Variants in DLGAP2 observed in about 807,000 individuals in gnomAD.
The protein encoded by DLGAP2 is disks large-associated protein 2.
Under a neutral mutation model 100.3 loss-of-function variants are expected in DLGAP2, and 26 were observed. That is an observed-to-expected ratio of 0.26 (90% CI 0.19 to 0.36). The LOEUF (loss-of-function observed/expected upper bound fraction) is 0.36, where lower values mean the gene tolerates loss of function less well. Among genes scored for constraint, DLGAP2 ranks in the 10% least tolerant of loss-of-function variants. The pLI is 1.00. For synonymous variants in DLGAP2, 886 were observed against 630.1 expected (o/e 1.41, Z -6.08); for missense variants, 1,858 against 1,453.2 (o/e 1.28, Z -4.53).
At chr8:1,048,199 A>C (rs2129032276) in intron 2 of DLGAP2, among the ~76,000 whole-genome samples, 2 of 152,322 alleles carry the variant, frequency 1.3e-5, no homozygotes, top group South Asian at 4.1e-4. Context: ...ACATCTATGA[A>C]GAGCACGTAG....
At chr8:1,683,854 ATATGTGTGTGTG>A (rs1331627824) in intron 12 of DLGAP2, among the ~76,000 whole-genome samples, 37 of 72,944 alleles carry the variant, frequency 5.1e-4, no homozygotes, top group African/African-American at 2.5e-3. Context: ...ATATATATAT[ATATGTGTGTGTG>A]TGTGTGTGTG....
rs1798302531 is a variant in DLGAP2 at position 1,657,110 on chromosome 8, A to G, written c.1811-11219A>G. ...GAATAGGTATTTTTTTTTTAAAGAA[A>G]GTAGTCAGGTCAGGTCTTCAGAAAC... is the stretch of plus-strand genomic sequence containing the variant. On this transcript the variant is annotated intron_variant, in intron 8 of 14. Transcript: ENST00000637795. 2.6e-5 allele frequency among the ~76,000 whole-genome samples: 4 copies of G among 152,324 alleles called. No homozygotes were observed. The South Asian group carries it at 8.3e-4, about 32-fold the overall frequency.
chr8:1,384,188 G>C (rs1796160193), intron 3 of DLGAP2, among the ~76,000 whole-genome samples: 2 of 152,268 alleles, frequency 1.3e-5, no homozygotes, highest in African/African-American at 4.8e-5. Flanking sequence ...ATTCATAAAA[G>C]TTAAGGGATG....
intron 8 of DLGAP2, among the ~76,000 whole-genome samples, chr8:1,649,406 T>C (rs1375086284): frequency 6.6e-6 from 1 of 152,224 alleles, no homozygotes; most frequent in Admixed American, 6.5e-5. Context: ...GCAGTGGTGT[T>C]GGGGTAAACA....
At chr8:787,462 G>A (rs190505644) in intron 1 of DLGAP2, among the ~76,000 whole-genome samples, 104 of 152,284 alleles carry the variant, frequency 6.8e-4, no homozygotes, top group African/African-American at 2.3e-3. Context: ...CCTTCTCCAC[G>A]CCTGTGCCTG....
intron 3 of DLGAP2, among the ~76,000 whole-genome samples, chr8:1,264,487 C>G (rs563881578): frequency 6.6e-6 from 1 of 152,284 alleles, no homozygotes; most frequent in East Asian, 1.9e-4. Context: ...GAGAAATGCA[C>G]ACTCCAGGTA....
At chr8:940,734 T>A (rs1049953339) in intron 2 of DLGAP2, among the ~76,000 whole-genome samples, 3 of 152,184 alleles carry the variant, frequency 2.0e-5, no homozygotes, top group African/African-American at 7.2e-5. Context: ...TTACAAAAAT[T>A]TAAAATAGTT....
chr8:1,026,732 A>G (rs772634796), intron 2 of DLGAP2, among the ~76,000 whole-genome samples: 9 of 152,230 alleles, frequency 5.9e-5, no homozygotes, highest in African/African-American at 9.6e-5. Context: ...CACATGGCTC[A>G]GGTTTCTTAC....
intron 2 of DLGAP2, among the ~76,000 whole-genome samples, chr8:1,199,758 C>T (rs1222171611): frequency 6.6e-6 from 1 of 152,050 alleles, no homozygotes; most frequent in African/African-American, 2.4e-5. Context: ...AGCATGAGAG[C>T]TCTTGCATGA....
intron 3 of DLGAP2, among the ~76,000 whole-genome samples, chr8:1,363,316 A>T (rs887840301): frequency 2.0e-5 from 3 of 151,834 alleles, no homozygotes; most frequent in African/African-American, 7.3e-5. Flanking sequence ...TGCAGGTCCC[A>T]CGCCCGTGGC....
At chr8:835,134 G>T (rs1796849923) in intron 1 of DLGAP2, among the ~76,000 whole-genome samples, 1 of 152,188 alleles carries the variant, frequency 6.6e-6, no homozygotes, top group South Asian at 2.1e-4. Flanking sequence ...CTTTCATATG[G>T]ATGGAGTTAA....
At chr8:1,572,399 G>A (rs1432311145) in intron 6 of DLGAP2, among the ~76,000 whole-genome samples, 1 of 114,518 alleles carries the variant, frequency 8.7e-6, no homozygotes, top group East Asian at 3.4e-4. Context: ...ATGGAGAGGA[G>A]AGAGGGGTGA....
intron 1 of DLGAP2, among the ~76,000 whole-genome samples, chr8:833,037 G>C (rs919805743): frequency 6.6e-6 from 1 of 152,196 alleles, no homozygotes; most frequent in African/African-American, 2.4e-5. Context: ...GTAAACATCT[G>C]TGACAAGCAC....
intron 3 of DLGAP2, among the ~76,000 whole-genome samples, chr8:1,358,779 G>T (rs372550017): frequency 1.3e-5 from 2 of 152,118 alleles, no homozygotes; most frequent in Non-Finnish European, 2.9e-5. Flanking sequence ...GCTAAGCGGG[G>T]CTGGGCGGCC....
At chr8:1,669,608 G>A (rs1470533391) in intron 9 of DLGAP2, 135 bp from the exon 10 acceptor site, 20 of 701,454 alleles carry the variant, frequency 2.9e-5, no homozygotes, top group Non-Finnish European at 4.2e-5. Flanking sequence ...GGAGGAGGGT[G>A]AGTGGAGCGT....
At chr8:797,977 C>T (rs964736051) in intron 1 of DLGAP2, among the ~76,000 whole-genome samples, 1 of 152,286 alleles carries the variant, frequency 6.6e-6, no homozygotes, top group East Asian at 1.9e-4. Flanking sequence ...GTCTCGAACT[C>T]CTGATGTCGT....
rs938331325 is a variant in DLGAP2, at chr8:1,178,473, T to A, written c.74-80378T>A. On this transcript the variant is annotated intron_variant, in intron 2 of 14. Transcript: ENST00000637795. Reference sequence around the variant, plus strand: ...CCTGCTTCTGCTATAATAATAGACGTCCTTATTAAAACAGCTGAACATAAA... The same window carrying A: ...CCTGCTTCTGCTATAATAATAGACGACCTTATTAAAACAGCTGAACATAAA... Among the ~76,000 whole-genome samples, 3 of 152,076 alleles carry A rather than the reference T, an allele frequency of 2.0e-5. No individual in the cohort carries two copies. The East Asian group carries it at 5.8e-4, about 29-fold the overall frequency.
chr8:988,338 C>G (rs1800546636), intron 2 of DLGAP2, among the ~76,000 whole-genome samples: 1 of 152,144 alleles, frequency 6.6e-6, no homozygotes. Flanking sequence ...AACTGAAGCC[C>G]TGTAAGTCTC....
intron 8 of DLGAP2, among the ~76,000 whole-genome samples, chr8:1,659,834 C>T (rs745473635): frequency 5.3e-5 from 8 of 152,102 alleles, no homozygotes; most frequent in Non-Finnish European, 1.0e-4. Flanking sequence ...GGCATTTAGC[C>T]TGTTTACATT....
Sources: gnomAD v4.1 joint callset for allele counts (sites outside exome capture counted in the v4.1 genomes callset) on GRCh38, gnomAD v4.1.1 for gene constraint, MANE v1.5 for transcripts, NCBI Gene and HGNC (gene_info 2026-07-23, HGNC 2026-07-21) for gene names.